Variants in SPAG16 observed in about 807,000 individuals in gnomAD.
The protein encoded by SPAG16 is sperm associated antigen 16.
In SPAG16, 86 loss-of-function variants were observed where a neutral mutation model predicts 80.4. The ratio of observed to expected loss-of-function variants is 1.07; its 90% CI spans 0.90 to 1.28. SPAG16 has a LOEUF of 1.28. Ranked by LOEUF, SPAG16 falls within the 50% of genes most tolerant of loss-of-function variation. SPAG16 has a pLI of 0.00. For synonymous variants in SPAG16, 294 were observed against 265.9 expected, an observed-to-expected ratio of 1.11 and a Z score of -1.03; for missense variants, 870 against 765.3, an observed-to-expected ratio of 1.14 and a Z score of -1.61.
At chr2:214,405,687 C>T (rs1031225018) in intron 15 of SPAG16, among the ~76,000 whole-genome samples, 3 of 152,126 alleles carry the variant, frequency 2.0e-5, no homozygotes, top group Admixed American at 6.5e-5. Flanking sequence ...ATCCCAGCTA[C>T]TCCGGAGGCT....
At chr2:214,287,166 T>C (rs917459347) in intron 15 of SPAG16, among the ~76,000 whole-genome samples, 1 of 152,220 alleles carries the variant, frequency 6.6e-6, no homozygotes, top group African/African-American at 2.4e-5. Context: ...CCTGTTACTT[T>C]CTGAACCATT....
At chr2:213,983,089 TTGTTGC>T in intron 12 of SPAG16, among the ~76,000 whole-genome samples, 1 of 151,978 alleles carries the variant, frequency 6.6e-6, no homozygotes, top group Admixed American at 6.6e-5. Context: ...TAAATATCAG[TTGTTGC>T]TATTGAAAAT....
intron 14 of SPAG16, among the ~76,000 whole-genome samples, chr2:214,120,089 T>C (rs1398312679): frequency 6.6e-6 from 1 of 151,946 alleles, no homozygotes; most frequent in Non-Finnish European, 1.5e-5. Flanking sequence ...TGCTGGAAAT[T>C]TTTCAGCCAT....
intron 10 of SPAG16, among the ~76,000 whole-genome samples, chr2:213,640,355 C>T (rs2062538747): frequency 6.6e-6 from 1 of 152,050 alleles, no homozygotes. Context: ...TTTTCTGGTT[C>T]CTTCTCATTT....
At chr2:213,942,761 A>G (rs1194263117) in intron 12 of SPAG16, among the ~76,000 whole-genome samples, 17 of 152,190 alleles carry the variant, frequency 1.1e-4, no homozygotes, top group Admixed American at 1.0e-3. Flanking sequence ...CCAATATTAG[A>G]GTTCATGTGG....
intron 9 of SPAG16, among the ~76,000 whole-genome samples, chr2:213,385,902 T>C (rs961905400): frequency 6.6e-6 from 1 of 152,182 alleles, no homozygotes; most frequent in Non-Finnish European, 1.5e-5. Flanking sequence ...AAAATGACTT[T>C]CCTATAATAT....
At chr2:214,225,954 C>G (rs79534503) in intron 15 of SPAG16, among the ~76,000 whole-genome samples, 2,733 of 152,210 alleles carry the variant, frequency 0.018, 52 homozygotes, top group African/African-American at 0.043. Flanking sequence ...TCTTTTCTTC[C>G]TGGCTAGGTA....
rs753627186 is a variant in SPAG16 at position 213,310,067 on chromosome 2, A to G, written c.288A>G (p.Lys96=). ...QATDTEILER[K]TVLPSKHAVP... is the part of the protein sequence containing the mutation. ...GCACGTTTAAATTTCAGGAACGGAAAACAGTTCTTCCTTCAAAGCATGCAG... is the reference window on the plus strand; with the variant it reads ...GCACGTTTAAATTTCAGGAACGGAAGACAGTTCTTCCTTCAAAGCATGCAG... The change falls in exon 4 of 16, where the codon AAA becomes AAG. Residue 96 remains lysine (K), a synonymous_variant. Transcript: ENST00000331683. 1 of 1,599,446 alleles carries G rather than the reference A, an allele frequency of 6.3e-7. No individual in the cohort carries two copies. Among genetic ancestry groups the G allele is most frequent in the South Asian group, 1.1e-5 (1 of 88,396 alleles).
At chr2:213,825,429 A>T (rs1305083667) in intron 10 of SPAG16, among the ~76,000 whole-genome samples, 3 of 152,086 alleles carry the variant, frequency 2.0e-5, no homozygotes, top group Admixed American at 6.6e-5. Context: ...GATTTTTGTC[A>T]TGAAGAGATG....
intron 12 of SPAG16, among the ~76,000 whole-genome samples, chr2:213,941,459 T>C (rs1345421579): frequency 6.6e-6 from 1 of 152,038 alleles, no homozygotes; most frequent in East Asian, 1.9e-4. Context: ...AACACACACA[T>C]ACGCATACAT....
intron 15 of SPAG16, among the ~76,000 whole-genome samples, chr2:214,173,622 TCA>T (rs1484938798): frequency 4.6e-5 from 7 of 151,938 alleles, no homozygotes; most frequent in African/African-American, 1.4e-4. Flanking sequence ...CCAGATGGAT[TCA>T]CAGACGAATT....
At chr2:213,770,138 A>G (rs942863836) in intron 10 of SPAG16, among the ~76,000 whole-genome samples, 3 of 152,084 alleles carry the variant, frequency 2.0e-5, no homozygotes, top group Non-Finnish European at 2.9e-5. Context: ...CAGTTTATTT[A>G]TATATGTGTA....
chr2:214,304,615 C>A (rs1694789683), intron 15 of SPAG16, among the ~76,000 whole-genome samples: 1 of 151,992 alleles, frequency 6.6e-6, no homozygotes, highest in African/African-American at 2.4e-5. Context: ...GCTGTGAGAC[C>A]CCTGATTTTC....
chr2:213,716,689 G>A (rs918327449), intron 10 of SPAG16, among the ~76,000 whole-genome samples: 2 of 152,066 alleles, frequency 1.3e-5, no homozygotes, highest in African/African-American at 4.8e-5. Context: ...AAGTTTAGCC[G>A]TATACAACTT....
intron 13 of SPAG16, among the ~76,000 whole-genome samples, chr2:214,033,730 C>G (rs985405768): frequency 2.0e-5 from 3 of 152,112 alleles, no homozygotes; most frequent in Non-Finnish European, 4.4e-5. Flanking sequence ...GAGAAATAGA[C>G]TTATATTTCT....
At chr2:213,458,928 G>A (rs146107185) in intron 9 of SPAG16, among the ~76,000 whole-genome samples, 9 of 152,144 alleles carry the variant, frequency 5.9e-5, no homozygotes, top group South Asian at 2.1e-4. Flanking sequence ...AGTTTACCAT[G>A]TTTTTTGAAT....
intron 12 of SPAG16, among the ~76,000 whole-genome samples, chr2:213,980,725 T>TATATAG (rs374274176): frequency 0.011 from 1,098 of 103,962 alleles, 15 homozygotes; most frequent in South Asian, 0.023. Context: ...TATATATATA[T>TATATAG]AGAGAGAGAG....
At chr2:213,860,693 G>A (rs2075417535) in intron 10 of SPAG16, among the ~76,000 whole-genome samples, 1 of 151,888 alleles carries the variant, frequency 6.6e-6, no homozygotes, top group South Asian at 2.1e-4. Context: ...CAGTGGGTTT[G>A]TATTTATATT....
At chr2:213,822,221 G>A (rs2125695935) in intron 10 of SPAG16, among the ~76,000 whole-genome samples, 1 of 152,204 alleles carries the variant, frequency 6.6e-6, no homozygotes, top group African/African-American at 2.4e-5. Flanking sequence ...GTTATTGTCT[G>A]TCTTTTTGAT....
Sources: gnomAD v4.1 joint callset for allele counts (sites outside exome capture counted in the v4.1 genomes callset) on GRCh38, gnomAD v4.1.1 for gene constraint, MANE v1.5 for transcripts, NCBI Gene and HGNC (gene_info 2026-07-23, HGNC 2026-07-21) for gene names.